The following NFATC1 variants were observed in gnomAD, a reference collection of about 807,000 sequenced individuals.
NFATC1 encodes the protein nuclear factor of activated T cells 1.
In NFATC1, 22 loss-of-function variants were observed where a neutral mutation model predicts 76.0. The ratio of observed to expected loss-of-function variants is 0.29; its 90% CI spans 0.21 to 0.41. The LOEUF (loss-of-function observed/expected upper bound fraction) is 0.41, where lower values mean the gene tolerates loss of function less well. NFATC1 is among the 10% of genes least tolerant of loss of function. The probability of loss-of-function intolerance (pLI) is 1.00; values close to 1 mark genes in which losing one functional copy is unlikely to be tolerated. For synonymous variants in NFATC1, 704 were observed against 613.1 expected, an observed-to-expected ratio of 1.15 and a Z score of -2.19; for missense variants, 1,357 against 1,337.7, an observed-to-expected ratio of 1.01 and a Z score of -0.23.
chr18:79,406,471 C>T (rs529544908), intron 1 of NFATC1, among the ~76,000 whole-genome samples: 28 of 152,194 alleles, frequency 1.8e-4, no homozygotes, highest in Middle Eastern at 3.4e-3. Context: ...CCCTCAGTTC[C>T]GCTGCTGTGC....
Position 79,474,908 on chromosome 18 carries a change from C to T in NFATC1, c.2092+7326C>T, listed in dbSNP as rs1470647293. On this transcript the variant is annotated intron_variant, in intron 8 of 9. Transcript: ENST00000427363. ...GTCGACGTTGTAAACCTGAGGGAAG[C>T]GTGTTCTCACGCTCGCTGTCAACGT... is the stretch of plus-strand genomic sequence containing the variant. Among the ~76,000 whole-genome samples the T allele has an allele frequency of 1.7e-4, 22 of 130,454 alleles. 2 individuals are homozygous for T. The highest frequency in any genetic ancestry group is 5.5e-4 in the African/African-American group (18 of 32,990). 85.6% of individuals were successfully genotyped at this position (130,454 alleles called of 152,430 possible).
At chr18:79,455,918 C>T (rs962433785) in intron 6 of NFATC1, among the ~76,000 whole-genome samples, 3 of 152,186 alleles carry the variant, frequency 2.0e-5, no homozygotes, top group Non-Finnish European at 4.4e-5. Flanking sequence ...CAGCAGCAGG[C>T]GGAGGGCCTG....
At chr18:79,477,315 T>A (rs1305209296) in intron 8 of NFATC1, among the ~76,000 whole-genome samples, 5 of 152,262 alleles carry the variant, frequency 3.3e-5, no homozygotes, top group Non-Finnish European at 7.3e-5. Flanking sequence ...AGTACTGTAG[T>A]GCATCCCTGG....
chr18:79,474,195 G>C (rs2088928950), intron 8 of NFATC1, among the ~76,000 whole-genome samples: 1 of 90,216 alleles, frequency 1.1e-5, no homozygotes, highest in Non-Finnish European at 2.2e-5. Context: ...AAACCTGAGG[G>C]AAGCGTGTTC....
intron 8 of NFATC1, among the ~76,000 whole-genome samples, chr18:79,478,998 G>A (rs777726689): frequency 2.6e-5 from 4 of 152,232 alleles, no homozygotes; most frequent in African/African-American, 4.8e-5. Flanking sequence ...TGGGGCTGCC[G>A]TGGACGATGG....
chr18:79,424,537 G>GTC (rs747162867), intron 2 of NFATC1, among the ~76,000 whole-genome samples: 13 of 149,722 alleles, frequency 8.7e-5, no homozygotes, highest in African/African-American at 1.5e-4. Context: ...CTGTCTCCCT[G>GTC]TCTCTCTCTC....
chr18:79,411,361 C>T lies in NFATC1; in HGVS notation c.1086C>T (p.Pro362=). The change falls in exon 2 of 10, where the codon CCC becomes CCT. Residue 362 remains proline, a synonymous_variant. Transcript: ENST00000427363. ...GGGAGGACCTGGGCAGCCCCCCGCC[C>T]CCGGCCGACTTCGCGCCCGAAGACT... ...PVGEDLGSPP[P]PADFAPEDYS... 1 of 1,589,306 alleles carries T rather than the reference C, an allele frequency of 6.3e-7. No homozygotes were observed. Among genetic ancestry groups the T allele is most frequent in the East Asian group, 2.2e-5 (1 of 44,682 alleles).
chr18:79,419,365 A>G (rs987819974), intron 2 of NFATC1, among the ~76,000 whole-genome samples: 18 of 152,084 alleles, frequency 1.2e-4, no homozygotes, highest in Admixed American at 5.2e-4. Flanking sequence ...CTCACCGAAG[A>G]CCGAGTGCCC....
chr18:79,502,269 T>C (rs1339523733), intron 9 of NFATC1, among the ~76,000 whole-genome samples: 1 of 152,202 alleles, frequency 6.6e-6, no homozygotes, highest in East Asian at 1.9e-4. Flanking sequence ...ACAGCCTTTT[T>C]AACAAGTGGT....
intron 8 of NFATC1, among the ~76,000 whole-genome samples, chr18:79,478,009 G>A (rs1017161752): frequency 6.6e-6 from 1 of 152,134 alleles, no homozygotes; most frequent in South Asian, 2.1e-4. Flanking sequence ...AGGTTGAGGG[G>A]ACACGAGTCC....
At chr18:79,511,589 T>G (rs1442802644) in intron 9 of NFATC1, among the ~76,000 whole-genome samples, 2 of 152,014 alleles carry the variant, frequency 1.3e-5, no homozygotes, top group African/African-American at 4.8e-5. Context: ...TAGCCTGAGC[T>G]GTGGAGGGGT....
At chr18:79,419,497 G>A (rs974722718) in intron 2 of NFATC1, among the ~76,000 whole-genome samples, 3 of 148,934 alleles carry the variant, frequency 2.0e-5, no homozygotes, top group African/African-American at 7.4e-5. Context: ...AGGAGGGCCG[G>A]CACCTGCCTG....
intron 9 of NFATC1, among the ~76,000 whole-genome samples, chr18:79,526,008 G>A (rs2090751646): frequency 6.6e-6 from 1 of 152,388 alleles, no homozygotes; most frequent in Non-Finnish European, 1.5e-5. Flanking sequence ...ACAGTGGGCG[G>A]GAGGCCGCTG....
intron 9 of NFATC1, among the ~76,000 whole-genome samples, chr18:79,522,089 G>A (rs56354229): frequency 0.029 from 2,626 of 89,712 alleles, 55 homozygotes; most frequent in Non-Finnish European, 0.039. Context: ...GTTGGGGGGG[G>A]CCGTCTGCTG....
chr18:79,398,409 C>T (rs1348426141), intron 1 of NFATC1, among the ~76,000 whole-genome samples: 2 of 152,272 alleles, frequency 1.3e-5, no homozygotes, highest in East Asian at 1.9e-4. Context: ...CAGACATCCC[C>T]AGCCTCTGGG....
Position 79,451,075 on chromosome 18 carries a change from C to T in NFATC1, c.1711C>T (p.Pro571Ser). Residue 571 changes from proline to serine, a missense_variant, in exon 5 of 10, where the codon CCC (proline) becomes TCC (serine). This residue lies in a region of NFATC1 where 242 missense variants were observed against 329.2 expected (regional missense o/e 0.74). Transcript: ENST00000427363. ...GGTGTTCCGCGTTCACGTCCCGCAA[C>T]CCAGCGGCCGCACGCTGTCCCTGCA... ...RLVFRVHVPQ[P>S]SGRTLSLQVA... The T allele has an allele frequency of 6.2e-7, 1 of 1,613,206 alleles. No individual in the cohort carries two copies. Among genetic ancestry groups the T allele is most frequent in the Non-Finnish European group, 8.5e-7 (1 of 1,179,940 alleles).
chr18:79,402,577 G>A (rs1167174071), intron 1 of NFATC1, among the ~76,000 whole-genome samples: 2 of 152,188 alleles, frequency 1.3e-5, no homozygotes, highest in African/African-American at 2.4e-5. Flanking sequence ...CTGTGTCCTT[G>A]CCCCTCCAGA....
chr18:79,431,256 A>G (rs1443486974), intron 2 of NFATC1, among the ~76,000 whole-genome samples: 1 of 152,216 alleles, frequency 6.6e-6, no homozygotes, highest in Non-Finnish European at 1.5e-5. Context: ...GCTAAGGAAC[A>G]TTTTAGGTGT....
chr18:79,477,048 A>AT (rs1420086393), intron 8 of NFATC1, among the ~76,000 whole-genome samples: 1 of 152,194 alleles, frequency 6.6e-6, no homozygotes, highest in East Asian at 1.9e-4. Flanking sequence ...TGGGCCGTGG[A>AT]TCCCTCACCT....
Sources: gnomAD v4.1 joint callset for allele counts (sites outside exome capture counted in the v4.1 genomes callset) on GRCh38, gnomAD v4.1.1 for gene constraint, gnomAD v4.1.1 regional missense constraint, MANE v1.5 for transcripts, NCBI Gene and HGNC (gene_info 2026-07-23, HGNC 2026-07-21) for gene names.